Variants in DRC11 observed in about 807,000 individuals in gnomAD.
The protein encoded by DRC11 is IQ and AAA domain-containing protein 1.
chr2:236,451,130 TTA>T, the DRC11 span, among the ~76,000 whole-genome samples: 1 of 152,172 alleles, frequency 6.6e-6, no homozygotes, highest in Non-Finnish European at 1.5e-5. Context: ...TCCTTGATTG[TTA>T]AAAATACATT....
the DRC11 span, among the ~76,000 whole-genome samples, chr2:236,401,857 C>T: frequency 2.6e-5 from 4 of 152,130 alleles, no homozygotes; most frequent in African/African-American, 9.7e-5. The surrounding 1 kb of genome is among the most constrained non-coding windows in gnomAD (Gnocchi z 4.6). Flanking sequence ...CACTGCATCC[C>T]TCGTGATTTT....
the DRC11 span, among the ~76,000 whole-genome samples, chr2:236,319,913 G>A: frequency 6.6e-6 from 1 of 152,154 alleles, no homozygotes; most frequent in South Asian, 2.1e-4. This position sits in a 1 kb window ranked among gnomAD's most constrained non-coding sequence, Gnocchi z 6.7. Context: ...CATGTTCATC[G>A]CATGGATCTG....
At chr2:236,308,767 G>C in the DRC11 span, among the ~76,000 whole-genome samples, 1 of 152,194 alleles carries the variant, frequency 6.6e-6, no homozygotes, top group East Asian at 1.9e-4. This position sits in a 1 kb window ranked among gnomAD's most constrained non-coding sequence, Gnocchi z 6.0. Context: ...ATGGACGCTA[G>C]GGTTGATACC....
the DRC11 span, among the ~76,000 whole-genome samples, chr2:236,330,507 T>A: frequency 6.6e-6 from 1 of 152,154 alleles, no homozygotes; most frequent in Non-Finnish European, 1.5e-5. This position sits in a 1 kb window ranked among gnomAD's most constrained non-coding sequence, Gnocchi z 5.5. Context: ...ACTGAAGAAT[T>A]AGGGGCAAAC....
the DRC11 span, among the ~76,000 whole-genome samples, chr2:236,461,134 T>G: frequency 6.6e-6 from 1 of 152,224 alleles, no homozygotes; most frequent in African/African-American, 2.4e-5. This position sits in a 1 kb window ranked among gnomAD's most constrained non-coding sequence, Gnocchi z 4.0. Context: ...GGGGTTACAG[T>G]TGTACATAGT....
At chr2:236,322,050 G>A in the DRC11 span, among the ~76,000 whole-genome samples, 1 of 152,020 alleles carries the variant, frequency 6.6e-6, no homozygotes, top group African/African-American at 2.4e-5. Context: ...GATAAGTGAG[G>A]CAAAAAGACA....
the DRC11 span, among the ~76,000 whole-genome samples, chr2:236,366,778 CCTCCCT>C: frequency 0.014 from 1,866 of 134,116 alleles, 49 homozygotes; most frequent in African/African-American, 0.049. Flanking sequence ...TCCCTCCCTC[CCTCCCT>C]CTCCCTCTCC....
At chr2:236,496,974 C>T in the DRC11 span, among the ~76,000 whole-genome samples, 4 of 152,028 alleles carry the variant, frequency 2.6e-5, no homozygotes, top group Non-Finnish European at 4.4e-5. This position sits in a 1 kb window ranked among gnomAD's most constrained non-coding sequence, Gnocchi z 6.3. Flanking sequence ...TGCATCTGCA[C>T]CAGAAAGAAA....
the DRC11 span, among the ~76,000 whole-genome samples, chr2:236,414,179 T>G: frequency 6.6e-6 from 1 of 152,212 alleles, no homozygotes; most frequent in African/African-American, 2.4e-5. Flanking sequence ...CCATAGCTTT[T>G]TTTTCATCCT....
chr2:236,387,820 T>C, the DRC11 span, among the ~76,000 whole-genome samples: 1 of 152,194 alleles, frequency 6.6e-6, no homozygotes, highest in African/African-American at 2.4e-5. Flanking sequence ...CTTTCCATGT[T>C]TAGTGCTTCC....
At chr2:236,459,514 TATAC>T in the DRC11 span, among the ~76,000 whole-genome samples, 1 of 95,354 alleles carries the variant, frequency 1.0e-5, no homozygotes, top group Non-Finnish European at 2.2e-5. Context: ...TACGTATACG[TATAC>T]ATGTATACAT....
chr2:236,438,846 A>G, the DRC11 span, among the ~76,000 whole-genome samples: 1 of 152,118 alleles, frequency 6.6e-6, no homozygotes, highest in Non-Finnish European at 1.5e-5. Flanking sequence ...AACGTAAAAG[A>G]ACAGAAATTA....
chr2:236,386,524 T>A, the DRC11 span, among the ~76,000 whole-genome samples: 1 of 152,208 alleles, frequency 6.6e-6, no homozygotes, highest in Admixed American at 6.5e-5. Context: ...TTTATCATTT[T>A]TTATTACATC....
chr2:236,341,718 G>GT, the DRC11 span, among the ~76,000 whole-genome samples: 8 of 152,320 alleles, frequency 5.3e-5, no homozygotes, highest in Admixed American at 4.6e-4. Context: ...GAAGCTGGTG[G>GT]TTTCCCCCCC....
At chr2:236,485,612 A>G in the DRC11 span, among the ~76,000 whole-genome samples, 1 of 152,250 alleles carries the variant, frequency 6.6e-6, no homozygotes, top group African/African-American at 2.4e-5. Flanking sequence ...TTCTCTGGTC[A>G]TAATGAGCTT....
the DRC11 span, among the ~76,000 whole-genome samples, chr2:236,339,333 C>T: frequency 2.0e-5 from 3 of 152,208 alleles, no homozygotes; most frequent in African/African-American, 7.2e-5. Context: ...CTCAATATTA[C>T]ATGGTTTGCA....
At chr2:236,393,205 G>A in the DRC11 span, among the ~76,000 whole-genome samples, 1 of 152,128 alleles carries the variant, frequency 6.6e-6, no homozygotes, top group Admixed American at 6.5e-5. The surrounding 1 kb of genome is among the most constrained non-coding windows in gnomAD (Gnocchi z 4.7). Context: ...GCTGACAACC[G>A]CCACCCAGTC....
chr2:236,416,744 TATATA>T, the DRC11 span, among the ~76,000 whole-genome samples: 1 of 57,566 alleles, frequency 1.7e-5, no homozygotes, highest in Admixed American at 1.7e-4. Flanking sequence ...TATATATATA[TATATA>T]TATATATATA....
the DRC11 span, among the ~76,000 whole-genome samples, chr2:236,420,876 TCTTCATTGTACTGGAGCA>T: frequency 6.6e-6 from 1 of 152,232 alleles, no homozygotes; most frequent in South Asian, 2.1e-4. The surrounding 1 kb of genome is among the most constrained non-coding windows in gnomAD (Gnocchi z 4.8). Context: ...GCTGCCCAGG[TCTTCATTGTACTGGAGCA>T]CTTGTAACAC....
Sources: gnomAD v4.1 joint callset for allele counts (sites outside exome capture counted in the v4.1 genomes callset) on GRCh38, gnomAD v4.1.1 for gene constraint, Gnocchi (gnomAD v3.1) non-coding constraint, MANE v1.5 for transcripts, NCBI Gene and HGNC (gene_info 2026-07-23, HGNC 2026-07-21) for gene names.